ESRRB: variants seen among roughly 807,000 people sequenced by gnomAD.
The protein encoded by ESRRB is estrogen related receptor beta, also known as steroid hormone receptor ERR2.
ESRRB carries 16 observed loss-of-function variants against 46.0 expected under a neutral mutation model. The observed-to-expected ratio is 0.35, with a 90% CI of 0.24 to 0.53. The LOEUF is 0.53. ESRRB is among the 20% of genes least tolerant of loss of function. ESRRB has a pLI of 0.93. For missense variants in ESRRB, 488 were observed against 607.4 expected, an observed-to-expected ratio of 0.80 and a Z score of 2.07; for synonymous variants, 246 against 259.6, an observed-to-expected ratio of 0.95 and a Z score of 0.50.
At chr14:76,427,269 G>T (rs751850901) in intron 1 of ESRRB, among the ~76,000 whole-genome samples, 3 of 152,110 alleles carry the variant, frequency 2.0e-5, no homozygotes, top group Non-Finnish European at 4.4e-5. Context: ...CACACCCTGG[G>T]TCAATAAGCT....
In ESRRB at chr14:76,346,845, C is replaced by T. The variant is rs77332260; in HGVS notation, c.2+35929C>T. 4.2e-3 allele frequency among the ~76,000 whole-genome samples: 641 copies of T among 152,310 alleles called. 4 individuals are homozygous for T. Among genetic ancestry groups the T allele is most frequent in the African/African-American group, 0.015 (615 of 41,564 alleles). On this transcript the variant is annotated intron_variant, in intron 1 of 6. Transcript: ENST00000512784. ...CTGCTGTTCTTTCATTTTGCCACGC[C>T]GTAGTCTGTGGATTATAGACACCAC... is the stretch of plus-strand genomic sequence containing the variant.
At chr14:76,464,901 G>A (rs1177042346) in intron 3 of ESRRB, among the ~76,000 whole-genome samples, 1 of 152,070 alleles carries the variant, frequency 6.6e-6, no homozygotes, top group Non-Finnish European at 1.5e-5. Flanking sequence ...TCTCCGTGTG[G>A]TGCTGGGAAT....
intron 2 of ESRRB, among the ~76,000 whole-genome samples, chr14:76,445,476 AAAAAAAAAAG>A (rs199672851): frequency 0.086 from 12,710 of 147,732 alleles, 942 homozygotes; most frequent in African/African-American, 0.2. Context: ...CAAAAAAAAA[AAAAAAAAAAG>A]AAAGAAAGAA....
At chr14:76,459,651 C>T (rs56215746) in intron 2 of ESRRB, among the ~76,000 whole-genome samples, 7,504 of 152,222 alleles carry the variant, frequency 0.049, 580 homozygotes, top group African/African-American at 0.17. Context: ...TGTTTTTCTC[C>T]TTTCTGTTTG....
chr14:76,349,763 C>T (rs1884292345), intron 1 of ESRRB, among the ~76,000 whole-genome samples: 2 of 152,056 alleles, frequency 1.3e-5, no homozygotes, highest in African/African-American at 4.8e-5. Context: ...TGGAACAGTG[C>T]CTGACTCTGA....
intron 1 of ESRRB, among the ~76,000 whole-genome samples, chr14:76,358,305 C>G (rs1884408442): frequency 1.0e-5 from 1 of 96,608 alleles, no homozygotes; most frequent in Non-Finnish European, 2.0e-5. Flanking sequence ...GAGCAAGACT[C>G]TGTCTCAAAA....
chr14:76,322,485 A>G (rs887236141), intron 1 of ESRRB, among the ~76,000 whole-genome samples: 16 of 152,002 alleles, frequency 1.1e-4, no homozygotes, highest in African/African-American at 3.9e-4. Context: ...CTCCTGCCCT[A>G]CTTCTGACCT....
intron 1 of ESRRB, among the ~76,000 whole-genome samples, chr14:76,414,576 G>A (rs887899635): frequency 7.0e-6 from 1 of 143,626 alleles, no homozygotes; most frequent in Non-Finnish European, 1.5e-5. Context: ...ACCTGTCTCA[G>A]ATCCCCACTC....
At chr14:76,315,695 C>T (rs144292475) in intron 1 of ESRRB, among the ~76,000 whole-genome samples, 12 of 152,316 alleles carry the variant, frequency 7.9e-5, no homozygotes, top group Admixed American at 6.5e-4. Flanking sequence ...CAGGCTCCCA[C>T]ACCTTCCACT....
chr14:76,466,264 C>T (rs1007532377), intron 3 of ESRRB, among the ~76,000 whole-genome samples: 1 of 152,270 alleles, frequency 6.6e-6, no homozygotes, highest in East Asian at 1.9e-4. Context: ...CTCGCCTGCA[C>T]GTCTGAACAC....
At chr14:76,419,078 G>A (rs1193895285) in intron 1 of ESRRB, among the ~76,000 whole-genome samples, 9 of 151,650 alleles carry the variant, frequency 5.9e-5, no homozygotes, top group South Asian at 2.1e-4. Context: ...GCGATGGCAC[G>A]ATCTCGGCTC....
intron 1 of ESRRB, among the ~76,000 whole-genome samples, chr14:76,318,622 G>A (rs575957906): frequency 6.6e-6 from 1 of 152,268 alleles, no homozygotes. Context: ...TAAAATATGG[G>A]TTATAAGAAC....
intron 2 of ESRRB, among the ~76,000 whole-genome samples, chr14:76,453,595 CTCTT>C (rs1566907002): frequency 7.1e-6 from 1 of 141,212 alleles, no homozygotes; most frequent in Non-Finnish European, 1.5e-5. Flanking sequence ...TGAAAAAAAG[CTCTT>C]TTTTTTTTTT....
intron 2 of ESRRB, among the ~76,000 whole-genome samples, chr14:76,456,246 G>T (rs184347307): frequency 5.9e-5 from 9 of 152,196 alleles, no homozygotes; most frequent in African/African-American, 1.9e-4. Flanking sequence ...TAGCTACCTA[G>T]GTTTCTACTT....
At chr14:76,398,919 C>G (rs2139835819) in intron 1 of ESRRB, among the ~76,000 whole-genome samples, 1 of 152,308 alleles carries the variant, frequency 6.6e-6, no homozygotes, top group South Asian at 2.1e-4. Flanking sequence ...TTCAGCCTCT[C>G]TGTCTGCTGA....
At position 76,418,145 on chromosome 14, in the gene ESRRB, G is replaced by A. The variant is rs538033801; in HGVS notation, c.51-21196G>A. ...TAATTTTTGTATTTTTAGTAAGACA[G>A]GGTTTCACCATGTTTGTCAGGCTGG... On this transcript the variant is annotated intron_variant, in intron 1 of 6. Coordinates refer to ENST00000644823, the MANE Select transcript of ESRRB (RefSeq NM_001379180.1). Among the ~76,000 whole-genome samples, 11 of 152,054 alleles carry A rather than the reference G, an allele frequency of 7.2e-5. No individual in the cohort carries two copies. The East Asian group carries it at 2.1e-3, about 30-fold the overall frequency.
chr14:76,336,055 A>G (rs1489827540), intron 1 of ESRRB, among the ~76,000 whole-genome samples: 1 of 152,214 alleles, frequency 6.6e-6, no homozygotes, highest in Admixed American at 6.5e-5. Flanking sequence ...CTCTGGCCCC[A>G]GAGTCTGTGC....
chr14:76,359,388 G>A (rs1205690952), intron 1 of ESRRB, among the ~76,000 whole-genome samples: 2 of 152,108 alleles, frequency 1.3e-5, no homozygotes, highest in African/African-American at 4.8e-5. Flanking sequence ...CTTTTATAGG[G>A]GTGAAAAAAC....
At chr14:76,389,170 A>C (rs1885367024) in intron 1 of ESRRB, among the ~76,000 whole-genome samples, 1 of 151,996 alleles carries the variant, frequency 6.6e-6, no homozygotes, top group Admixed American at 6.6e-5. Flanking sequence ...TGCTTCCCCC[A>C]ACCCTGGTCT....
Sources: allele counts gnomAD v4.1 joint callset (sites outside exome capture counted in the v4.1 genomes callset), GRCh38; gene constraint gnomAD v4.1.1; transcripts MANE v1.5; gene names NCBI Gene and HGNC (gene_info 2026-07-23, HGNC 2026-07-21).